Variants in STAB1 observed in about 807,000 individuals in gnomAD.
STAB1 encodes stabilin-1.
Under a neutral mutation model 332.4 loss-of-function variants are expected in STAB1, and 250 were observed. The observed-to-expected ratio is 0.75, with a 90% CI of 0.68 to 0.84. The LOEUF is 0.84. Among genes scored for constraint, STAB1 ranks in the 40% least tolerant of loss-of-function variants. STAB1 has a pLI of 0.00. For missense variants in STAB1, 3,249 were observed against 3,489.7 expected, an observed-to-expected ratio of 0.93 and a Z score of 1.74; for synonymous variants, 1,475 against 1,390.4, an observed-to-expected ratio of 1.06 and a Z score of -1.35.
Position 52,522,116 on chromosome 3 carries a change from T to C in STAB1, c.6351T>C (p.Cys2117=). 6.2e-7 allele frequency: 1 copy of C among 1,612,932 alleles called. No individual in the cohort carries two copies. The highest frequency in any genetic ancestry group is 8.5e-7 in the Non-Finnish European group (1 of 1,179,960). ...NCSQVGTMVT[C]TCLPDYEGDG... Reference sequence around the variant, plus strand: ...GCCAGGTAGGAACAATGGTCACTTGTACCTGCCTGCCCGACTACGAGGGTG... The same window carrying C: ...GCCAGGTAGGAACAATGGTCACTTGCACCTGCCTGCCCGACTACGAGGGTG... Residue 2117 remains cysteine (C), a synonymous_variant, in exon 59 of 69, where the codon TGT becomes TGC. Coordinates refer to ENST00000321725, the MANE Select transcript of STAB1 (RefSeq NM_015136.3).
At chr3:52,501,836 TC>T in intron 3 of STAB1, 83 bp downstream of exon 3, 1 of 1,391,568 alleles carries the variant, frequency 7.2e-7, no homozygotes, top group Non-Finnish European at 9.9e-7. Flanking sequence ...CCACCTGCAT[TC>T]CCCTTCAACT....
chr3:52,516,240 T>TGA lies in STAB1; in HGVS notation c.4144+4_4144+5dup. On this transcript the variant is annotated splice_region_variant and intron_variant, in intron 38 of 68. Transcript: ENST00000321725. ...GCTACGGGCCCAACTGCACCGGAGGTGAGGACTGGGGAGGGGCGGGGGTGG... is the reference window on the plus strand; with the variant it reads ...GCTACGGGCCCAACTGCACCGGAGGTGAGAGGACTGGGGAGGGGCGGGGGTGG... 4 of 1,514,998 alleles carry TGA rather than the reference T, an allele frequency of 2.6e-6. No individual in the cohort carries two copies. Among genetic ancestry groups the TGA allele is most frequent in the Non-Finnish European group, 3.6e-6 (4 of 1,106,282 alleles). 93.8% of individuals were successfully genotyped at this position (1,514,998 alleles called of 1,614,324 possible).
rs564626309 is a variant in STAB1, at chr3:52,506,867, C to T, written c.1989+17C>T. The T allele has an allele frequency of 3.4e-5, 54 of 1,611,374 alleles. No homozygotes were observed. Among genetic ancestry groups the T allele is most frequent in the South Asian group, 9.9e-5 (9 of 90,866 alleles). The stretch of plus-strand genomic sequence containing the variant: ...ATTGTGGCGGTGAGCCTCGCCTGCA[C>T]GGCCAGGGCCCTACTCACTAACCCC... On this transcript the variant is annotated intron_variant, in intron 18 of 68. Transcript: ENST00000321725.
At position 52,504,730 on chromosome 3, in the gene STAB1, C is replaced by A; in HGVS notation, c.1240-9C>A. The A allele has an allele frequency of 6.2e-7, 1 of 1,613,652 alleles. No individual in the cohort carries two copies. Among genetic ancestry groups the A allele is most frequent in the Admixed American group, 1.7e-5 (1 of 60,026 alleles). ...CCGGCTCACTTTGCTCCCCGCCTTG[C>A]GTCTGCAGGCATCCCTTGCCCAGCA... On this transcript the variant is annotated splice_polypyrimidine_tract_variant and intron_variant, in intron 11 of 68. Coordinates refer to ENST00000321725, the MANE Select transcript of STAB1 (RefSeq NM_015136.3).
At position 52,510,033 on chromosome 3, in the gene STAB1, T is replaced by C. The variant is rs542745405; in HGVS notation, c.2511T>C (p.Cys837=). ...AGCACTGCCACCTGCATGCCCGCTG[T>C]GTTAGCCAGGAGGGTGTTGCCAGGT... ...LAQHCHLHAR[C]VSQEGVARCR... Residue 837 remains cysteine (C), a synonymous_variant, in exon 23 of 69, where the codon TGT becomes TGC. Coordinates refer to ENST00000321725, the MANE Select transcript of STAB1 (RefSeq NM_015136.3). 5.0e-6 allele frequency: 8 copies of C among 1,608,742 alleles called. No homozygotes were observed. The African/African-American group carries it at 1.1e-4, about 21-fold the overall frequency.
intron 2 of STAB1, 29 bp downstream of exon 2, chr3:52,501,331 T>C (rs1270749611): frequency 1.2e-6 from 2 of 1,601,534 alleles, no homozygotes; most frequent in Non-Finnish European, 1.7e-6. Context: ...CTTGCCTGTG[T>C]CCAGGAGCAT....
intron 2 of STAB1, 131 bp from the exon 3 acceptor site, chr3:52,501,507 G>GGC: frequency 9.1e-7 from 1 of 1,094,324 alleles, no homozygotes; most frequent in Non-Finnish European, 1.3e-6. Flanking sequence ...CTATGTGCTA[G>GGC]GCCCTGTGCT....
At chr3:52,514,894 T>C (rs2078805498) in intron 35 of STAB1, 65 bp downstream of exon 35, 14 of 1,612,528 alleles carry the variant, frequency 8.7e-6, no homozygotes, top group Non-Finnish European at 1.1e-5. Flanking sequence ...CTAGCTGACC[T>C]GACTAGTGGG....
intron 1 of STAB1, among the ~76,000 whole-genome samples, chr3:52,499,222 C>T (rs1708256924): frequency 6.6e-6 from 1 of 152,242 alleles, no homozygotes; most frequent in African/African-American, 2.4e-5. Context: ...TATGCCCCTT[C>T]CTCCCACTAG....
intron 18 of STAB1, among the ~76,000 whole-genome samples, 183 bp from the exon 19 acceptor site, chr3:52,507,430 C>T (rs1708958225): frequency 6.6e-6 from 1 of 152,242 alleles, no homozygotes; most frequent in Admixed American, 6.5e-5. Flanking sequence ...TTTCCAGAGA[C>T]TCTAGCTCTG....
Position 52,523,989 on chromosome 3 carries a change from C to T in STAB1, c.7514C>T (p.Pro2505Leu). The change falls in exon 67 of 69, where the codon CCC (proline) becomes CTC (leucine). Residue 2505 changes from proline to leucine, a missense_variant. Coordinates refer to ENST00000321725, the MANE Select transcript of STAB1 (RefSeq NM_015136.3). Reference sequence around the variant, plus strand: ...CTCTACCTCCGTGCCCGAGGCAAGCCCATGGGCTTTGGCTTCTCTGCCTTC... The same window carrying T: ...CTCTACCTCCGTGCCCGAGGCAAGCTCATGGGCTTTGGCTTCTCTGCCTTC... ...GALYLRARGK[P>L]MGFGFSAFQA... 6.2e-7 allele frequency: 1 copy of T among 1,612,116 alleles called. No homozygotes were observed.
At position 52,522,893 on chromosome 3, in the gene STAB1, G is replaced by T. The variant is rs201409894; in HGVS notation, c.6863G>T (p.Arg2288Leu). ...GRVGIVSLGA[R>L]KNLSERWDAY... ...GTGGGCATAGTCAGCCTGGGTGCCC[G>T]CAAGAACCTCTCAGAACGCTGGGAT... Residue 2288 changes from arginine (R) to leucine (L), a missense_variant, in exon 62 of 69, where the codon CGC (arginine) becomes CTC (leucine). Arg to Leu is a moderately radical substitution (Grantham distance 102). Coordinates refer to ENST00000321725, the MANE Select transcript of STAB1 (RefSeq NM_015136.3). 5 of 1,613,364 alleles carry T rather than the reference G, an allele frequency of 3.1e-6. No homozygotes were observed. Among genetic ancestry groups the T allele is most frequent in the Non-Finnish European group, 4.2e-6 (5 of 1,180,018 alleles).
In STAB1 at chr3:52,499,916, A is replaced by AAC. The variant is rs1708321757; in HGVS notation, c.79-1249_79-1248insCA. 9.1e-5 allele frequency among the ~76,000 whole-genome samples: 13 copies of AAC among 143,178 alleles called. No homozygotes were observed. In the South Asian group the frequency reaches 2.6e-3, roughly 28 times the overall value. The allele number at this position is 143,178 out of a possible 152,430, so 93.9% of individuals were successfully genotyped here. ...TCCATCTCAAAAAAAAAAAAAAAAA[A>AAC]AAAAAAACTGGCCAGGCACAGTGGC... On this transcript the variant is annotated intron_variant, in intron 1 of 68. Transcript: ENST00000321725.
chr3:52,505,575 G>A (rs1708790499), intron 14 of STAB1, 93 bp from the exon 15 acceptor site: 4 of 1,361,486 alleles, frequency 2.9e-6, no homozygotes, highest in Middle Eastern at 4.6e-4. Context: ...CTCAGTGGGA[G>A]TTTCCTGCAG....
At chr3:52,517,705 C>T in intron 44 of STAB1, 81 bp downstream of exon 44, 1 of 1,569,368 alleles carries the variant, frequency 6.4e-7, no homozygotes, top group Non-Finnish European at 8.7e-7. Flanking sequence ...TCACCTCCAG[C>T]AGGGTCCTAA....
In STAB1 at chr3:52,516,235, G is replaced by A. The variant is rs753143636; in HGVS notation, c.4141G>A (p.Gly1381Arg). 3.2e-5 allele frequency: 52 copies of A among 1,611,470 alleles called. No homozygotes were observed. The highest frequency in any genetic ancestry group is 2.2e-4 in the Admixed American group (13 of 59,672). Reference sequence around the variant, plus strand: ...GGGCCGCTACGGGCCCAACTGCACCGGAGGTGAGGACTGGGGAGGGGCGGG... The same window carrying A: ...GGGCCGCTACGGGCCCAACTGCACCAGAGGTGAGGACTGGGGAGGGGCGGG... ...ELGRYGPNCT[G>R]VCDCAHGLCQ... is the part of the protein sequence containing the mutation. Residue 1381 changes from glycine to arginine, a missense_variant, in exon 38 of 69, where the codon GGA becomes AGA. Physicochemically the swap from Gly to Arg is moderately radical, Grantham distance 125. Transcript: ENST00000321725.
Position 52,503,363 on chromosome 3 carries a change from A to G in STAB1, c.714A>G (p.Pro238=). 2.5e-6 allele frequency: 4 copies of G among 1,612,272 alleles called. No individual in the cohort carries two copies. The highest frequency in any genetic ancestry group is 3.4e-6 in the Non-Finnish European group (4 of 1,179,270). The change falls in exon 8 of 69, where the codon CCA becomes CCG. Residue 238 remains proline, a synonymous_variant. Coordinates refer to ENST00000321725, the MANE Select transcript of STAB1 (RefSeq NM_015136.3). The part of the protein sequence containing the change: ...SECRAPNPCW[P]SPCSLLAQCS... ...TGGCAGCCCCCAACCCCTGCTGGCC[A>G]TCACCCTGCTCACTGCTGGCCCAGT...
rs753197137 is a variant in STAB1, at chr3:52,523,115, A to T, written c.7001A>T (p.Asn2334Ile). The T allele has an allele frequency of 1.3e-6, 2 of 1,582,256 alleles. No homozygotes were observed. The highest frequency in any genetic ancestry group is 4.5e-5 in the East Asian group (2 of 44,574). The change falls in exon 63 of 69, where the codon AAC becomes ATC. Residue 2334 changes from asparagine (N) to isoleucine (I), a missense_variant. By Grantham distance (149) the Asn-to-Ile change is moderately radical. Coordinates refer to ENST00000321725, the MANE Select transcript of STAB1 (RefSeq NM_015136.3). ...CTGGATGTGCTGGCTGCCACTGCCA[A>T]CTTCTCCACCTTCTATGGGGTGTGT... ...KLLDVLAATA[N>I]FSTFYGMLLG... is the part of the protein sequence containing the mutation.
intron 32 of STAB1, 23 bp downstream of exon 32, chr3:52,514,004 G>A: frequency 1.9e-6 from 3 of 1,593,992 alleles, no homozygotes; most frequent in Non-Finnish European, 2.6e-6. Context: ...GGCAAGAGGG[G>A]ATGTGCCTGC....
Sources: allele counts gnomAD v4.1 joint callset (sites outside exome capture counted in the v4.1 genomes callset), GRCh38; gene constraint gnomAD v4.1.1; transcripts MANE v1.5; gene names NCBI Gene and HGNC (gene_info 2026-07-23, HGNC 2026-07-21).